Variants in HPSE2 observed in about 807,000 individuals in gnomAD.
The protein encoded by HPSE2 is heparanase 2 (inactive).
Under a neutral mutation model 60.5 loss-of-function variants are expected in HPSE2, and 38 were observed. The ratio of observed to expected loss-of-function variants is 0.63; its 90% CI spans 0.48 to 0.82. The LOEUF (loss-of-function observed/expected upper bound fraction) is 0.82, where lower values mean the gene tolerates loss of function less well. Ranked by LOEUF, HPSE2 falls within the 40% of genes least tolerant of loss-of-function variation. The pLI is 0.00. For missense variants in HPSE2, 713 were observed against 740.4 expected (o/e 0.96, Z 0.43); for synonymous variants, 295 against 293.2 (o/e 1.01, Z -0.06).
chr10:99,228,495 AG>A (rs1849544094), intron 2 of HPSE2, among the ~76,000 whole-genome samples: 1 of 152,226 alleles, frequency 6.6e-6, no homozygotes, highest in South Asian at 2.1e-4. Flanking sequence ...CAATACAAAG[AG>A]GGGAAGACTG....
At chr10:99,139,403 C>G (rs10786509) in intron 3 of HPSE2, among the ~76,000 whole-genome samples, 74,835 of 151,730 alleles carry the variant, frequency 0.49, 20,906 homozygotes, top group East Asian at 0.65. Context: ...TCCATAAAAC[C>G]AAAAACCACT....
intron 9 of HPSE2, among the ~76,000 whole-genome samples, chr10:98,612,017 A>G (rs1447760339): frequency 2.0e-5 from 3 of 152,340 alleles, no homozygotes; most frequent in African/African-American, 7.2e-5. Flanking sequence ...GGACAAAGCC[A>G]TGAGGACTGA....
chr10:98,745,589 T>C (rs1949610434), intron 3 of HPSE2, among the ~76,000 whole-genome samples: 1 of 152,226 alleles, frequency 6.6e-6, no homozygotes, highest in Non-Finnish European at 1.5e-5. Context: ...GTTTATTTGT[T>C]AGAGAACTCC....
chr10:99,305,979 G>GCGCGCGCGCGCACACACACACACACA, the HPSE2 span, among the ~76,000 whole-genome samples: 28 of 80,564 alleles, frequency 3.5e-4, no homozygotes, highest in Non-Finnish European at 5.5e-4. Context: ...GCGCGCGCGC[G>GCGCGCGCGCGCACACACACACACACA]CACACACACA....
intron 3 of HPSE2, among the ~76,000 whole-genome samples, chr10:98,917,299 G>C (rs1191281861): frequency 1.1e-4 from 16 of 152,098 alleles, no homozygotes; most frequent in Non-Finnish European, 1.2e-4. Context: ...TATACATTAG[G>C]TATTCAATAA....
intron 8 of HPSE2, among the ~76,000 whole-genome samples, 192 bp downstream of exon 8, chr10:98,620,410 C>A (rs1946041153): frequency 6.6e-6 from 1 of 152,154 alleles, no homozygotes; most frequent in African/African-American, 2.4e-5. Flanking sequence ...GATGCCTGTG[C>A]CTGACATTTT....
chr10:98,757,971 A>C (rs2210888), intron 3 of HPSE2, among the ~76,000 whole-genome samples: 1 of 151,910 alleles, frequency 6.6e-6, no homozygotes, highest in Non-Finnish European at 1.5e-5. Context: ...AAAACAGCAC[A>C]GTACTGGTAC....
intron 9 of HPSE2, among the ~76,000 whole-genome samples, chr10:98,493,548 CTTT>C (rs1346595331): frequency 3.9e-5 from 6 of 152,006 alleles, no homozygotes; most frequent in Non-Finnish European, 5.9e-5. Flanking sequence ...TAATTTCCTT[CTTT>C]GTCTCTTATA....
chr10:99,249,985 A>T, the HPSE2 span, among the ~76,000 whole-genome samples: 3 of 152,068 alleles, frequency 2.0e-5, no homozygotes, highest in East Asian at 5.8e-4. Flanking sequence ...CTACTAAAAA[A>T]TACAAAAATT....
chr10:99,151,796 A>C (rs1846275227), intron 2 of HPSE2, among the ~76,000 whole-genome samples: 1 of 152,182 alleles, frequency 6.6e-6, no homozygotes. Context: ...TGCACTTATA[A>C]TCCCAGCTAT....
intron 3 of HPSE2, among the ~76,000 whole-genome samples, chr10:99,135,879 T>C (rs1376455951): frequency 6.6e-6 from 1 of 151,872 alleles, no homozygotes; most frequent in Non-Finnish European, 1.5e-5. Flanking sequence ...AGACAAGTAA[T>C]AACCAAGACC....
At chr10:98,701,272 A>T (rs1458572645) in intron 5 of HPSE2, among the ~76,000 whole-genome samples, 1 of 132,570 alleles carries the variant, frequency 7.5e-6, no homozygotes, top group Non-Finnish European at 1.6e-5. Flanking sequence ...TGGATTAAGA[A>T]AATGTGGCAC....
chr10:98,790,938 A>G (rs779959941), intron 3 of HPSE2, among the ~76,000 whole-genome samples: 1 of 152,204 alleles, frequency 6.6e-6, no homozygotes, highest in Non-Finnish European at 1.5e-5. Context: ...TCAGTGTCAA[A>G]TGACACAGAG....
At chr10:99,082,033 T>C (rs545778287) in intron 3 of HPSE2, among the ~76,000 whole-genome samples, 4 of 152,292 alleles carry the variant, frequency 2.6e-5, no homozygotes, top group East Asian at 3.9e-4. Context: ...TCCTTTTAAA[T>C]TGTACCACGG....
Position 99,232,486 on chromosome 10 carries a change from G to A in HPSE2, c.310C>T (p.Leu104=), listed in dbSNP as rs962184218. ...AAGGCGGGCGAAAGTCCCCGGGCCAGGGTCACCAAGCGCTTGGAGCTGCAG... is the reference window on the plus strand; with the variant it reads ...AAGGCGGGCGAAAGTCCCCGGGCCAAGGTCACCAAGCGCTTGGAGCTGCAG... ...DFLSSKRLVT[L]ARGLSPAFLR... The change falls in exon 2 of 12, where the codon CTG becomes TTG. Residue 104 remains leucine (L), a synonymous_variant. Coordinates refer to ENST00000370552, the MANE Select transcript of HPSE2 (RefSeq NM_021828.5). 1.5e-5 allele frequency: 23 copies of A among 1,555,480 alleles called. No homozygotes were observed. The highest frequency in any genetic ancestry group is 2.0e-5 in the Non-Finnish European group (23 of 1,149,800).
intron 6 of HPSE2, among the ~76,000 whole-genome samples, chr10:98,661,983 C>T (rs968855540): frequency 3.3e-5 from 5 of 152,136 alleles, no homozygotes; most frequent in African/African-American, 1.2e-4. Flanking sequence ...CAACCTCTGC[C>T]TTTTGGGTTC....
At chr10:98,771,306 C>G (rs78761199) in intron 3 of HPSE2, among the ~76,000 whole-genome samples, 2,111 of 152,202 alleles carry the variant, frequency 0.014, 44 homozygotes, top group African/African-American at 0.047. Flanking sequence ...ATTGGAAAAA[C>G]CCAGTACCCT....
At chr10:98,778,882 C>T (rs1950405961) in intron 3 of HPSE2, among the ~76,000 whole-genome samples, 1 of 152,018 alleles carries the variant, frequency 6.6e-6, no homozygotes, top group African/African-American at 2.4e-5. Context: ...AAGAGATTTT[C>T]TTAGGAGAAA....
intron 3 of HPSE2, among the ~76,000 whole-genome samples, chr10:99,102,026 A>T (rs1174683867): frequency 6.6e-6 from 1 of 152,238 alleles, no homozygotes; most frequent in African/African-American, 2.4e-5. Context: ...CCCACAAGAG[A>T]AAGCAGGAAA....
Sources: allele counts gnomAD v4.1 joint callset (sites outside exome capture counted in the v4.1 genomes callset), GRCh38; gene constraint gnomAD v4.1.1; transcripts MANE v1.5; gene names NCBI Gene and HGNC (gene_info 2026-07-23, HGNC 2026-07-21).